Variants in HS6ST2 observed in about 807,000 individuals in gnomAD.
The protein encoded by HS6ST2 is heparan-sulfate 6-O-sulfotransferase 2.
A neutral mutation model predicts 33.0 loss-of-function variants in HS6ST2; 17 were observed. That is an observed-to-expected ratio of 0.52 (90% CI 0.35 to 0.77). The LOEUF is 0.77. Ranked by LOEUF, HS6ST2 falls within the 30% of genes least tolerant of loss-of-function variation. HS6ST2 has a pLI of 0.01. For missense variants in HS6ST2, 519 were observed against 551.7 expected, an observed-to-expected ratio of 0.94 and a Z score of 0.59; for synonymous variants, 248 against 237.1, an observed-to-expected ratio of 1.05 and a Z score of -0.42.
At chrX:132,731,971 G>T (rs367643065) in intron 2 of HS6ST2, among the ~76,000 whole-genome samples, 1 of 111,661 alleles carries the variant, frequency 9.0e-6, no homozygotes, top group African/African-American at 3.3e-5. Flanking sequence ...TTTCAGGGCC[G>T]CCCTGGAAAT....
chrX:132,632,593 C>T (rs2063525893), intron 4 of HS6ST2, among the ~76,000 whole-genome samples: 1 of 109,622 alleles, frequency 9.1e-6, no homozygotes, highest in Non-Finnish European at 1.9e-5. Flanking sequence ...GTGTGCCTGG[C>T]ACTATGGCAG....
At chrX:132,882,349 T>C (rs1393051628) in intron 2 of HS6ST2, among the ~76,000 whole-genome samples, 3 of 110,065 alleles carry the variant, frequency 2.7e-5, no homozygotes, top group Non-Finnish European at 5.7e-5. Flanking sequence ...ACATCCCTTG[T>C]AAGTTGGGTT....
intron 2 of HS6ST2, among the ~76,000 whole-genome samples, chrX:132,888,354 A>G (rs1328358293): frequency 9.0e-6 from 1 of 111,612 alleles, no homozygotes; most frequent in Non-Finnish European, 1.9e-5. Flanking sequence ...GGGAACTCCC[A>G]TTTATAAAAC....
At chrX:132,949,544 G>A (rs969534527) in intron 2 of HS6ST2, among the ~76,000 whole-genome samples, 2 of 109,984 alleles carry the variant, frequency 1.8e-5, no homozygotes, top group Non-Finnish European at 3.8e-5. Context: ...TCAGGGTGAG[G>A]GTTTATTAGG....
At chrX:132,772,310 G>A (rs1342347170) in intron 2 of HS6ST2, among the ~76,000 whole-genome samples, 1 of 110,269 alleles carries the variant, frequency 9.1e-6, no homozygotes, top group Non-Finnish European at 1.9e-5. Flanking sequence ...GTGTTTTCTT[G>A]TGACCACCAC....
intron 3 of HS6ST2, among the ~76,000 whole-genome samples, chrX:132,704,393 A>G (rs1012068132): frequency 9.0e-5 from 10 of 111,253 alleles, no homozygotes; most frequent in African/African-American, 3.3e-4. Flanking sequence ...TGTCTCTACT[A>G]AAAATACAAA....
intron 2 of HS6ST2, among the ~76,000 whole-genome samples, chrX:132,797,559 C>T (rs994271868): frequency 8.9e-6 from 1 of 112,333 alleles, no homozygotes; most frequent in African/African-American, 3.2e-5. Context: ...CTAATTCCTT[C>T]TCTCTAGTGA....
intron 2 of HS6ST2, among the ~76,000 whole-genome samples, chrX:132,930,056 G>A (rs1236557692): frequency 8.9e-6 from 1 of 111,812 alleles, no homozygotes; most frequent in Non-Finnish European, 1.9e-5. Context: ...AGGCATCAAG[G>A]TGGGTGGGCA....
At position 132,681,076 on chromosome X, in the gene HS6ST2, T is replaced by C. The variant is rs1247016878; in HGVS notation, c.981-11877A>G. ...TGTTGCTTTTTCCCTGGTGCACTTA[T>C]CTGATTAGCTGTGGTATTTCGTCAG... is the stretch of plus-strand genomic sequence containing the variant. On this transcript the variant is annotated intron_variant, in intron 3 of 4. Coordinates refer to ENST00000370833, the MANE Select transcript of HS6ST2 (RefSeq NM_001394073.1). 6.3e-5 allele frequency among the ~76,000 whole-genome samples: 7 copies of C among 110,694 alleles called. No homozygotes were observed. In the Admixed American group the frequency reaches 6.7e-4, roughly 11 times the overall value.
At chrX:132,957,851 G>A in intron 1 of HS6ST2, among the ~76,000 whole-genome samples, 1 of 111,992 alleles carries the variant, frequency 8.9e-6, no homozygotes, top group African/African-American at 3.2e-5. Flanking sequence ...TCCTTTTGCC[G>A]GCGCCCGCGC....
intron 2 of HS6ST2, among the ~76,000 whole-genome samples, chrX:132,896,266 C>T (rs1366680580): frequency 9.1e-6 from 1 of 110,413 alleles, no homozygotes; most frequent in Non-Finnish European, 1.9e-5. Context: ...GTCAGGAGAT[C>T]GAGACCATCC....
At chrX:132,847,849 T>G (rs1409973557) in intron 2 of HS6ST2, among the ~76,000 whole-genome samples, 1 of 112,107 alleles carries the variant, frequency 8.9e-6, no homozygotes, top group Non-Finnish European at 1.9e-5. Flanking sequence ...AGGGCTGGCA[T>G]AGAGAAGAAC....
intron 2 of HS6ST2, among the ~76,000 whole-genome samples, chrX:132,844,892 C>T (rs1176636195): frequency 1.8e-5 from 2 of 109,981 alleles, no homozygotes; most frequent in African/African-American, 3.3e-5. Context: ...ATCTACTATG[C>T]TGAGCACCAT....
intron 2 of HS6ST2, among the ~76,000 whole-genome samples, chrX:132,931,998 AAC>A (rs2066773943): frequency 9.2e-6 from 1 of 109,274 alleles, no homozygotes; most frequent in Non-Finnish European, 1.9e-5. Flanking sequence ...CATCCTGGCT[AAC>A]ACAGTGAAAC....
intron 2 of HS6ST2, among the ~76,000 whole-genome samples, chrX:132,811,602 T>C (rs1422562120): frequency 2.0e-5 from 2 of 101,659 alleles, no homozygotes; most frequent in Non-Finnish European, 4.0e-5. Context: ...CTTAGCATAA[T>C]GTCTTCAAAG....
At chrX:132,757,598 C>G (rs1311936368) in intron 2 of HS6ST2, among the ~76,000 whole-genome samples, 1 of 97,367 alleles carries the variant, frequency 1.0e-5, no homozygotes, top group Non-Finnish European at 2.2e-5. Context: ...GGGAGCTGGC[C>G]CTTTGTGTTC....
chrX:132,655,599 T>C (rs1349759556), intron 4 of HS6ST2, among the ~76,000 whole-genome samples: 1 of 110,746 alleles, frequency 9.0e-6, no homozygotes, highest in Non-Finnish European at 1.9e-5. Context: ...CATGGGTAGT[T>C]GAAGGACACA....
chrX:132,722,187 CAAAAA>C (rs1217492848), intron 2 of HS6ST2, among the ~76,000 whole-genome samples: 2 of 44,301 alleles, frequency 4.5e-5, no homozygotes, highest in African/African-American at 8.9e-5. Context: ...GACTCCGTCT[CAAAAA>C]AAAAAAAAAA....
intron 3 of HS6ST2, among the ~76,000 whole-genome samples, chrX:132,692,809 G>A (rs1051117136): frequency 1.8e-5 from 2 of 111,852 alleles, no homozygotes; most frequent in Admixed American, 1.9e-4. Context: ...TGATTCATAG[G>A]CTCTGTCTGT....
Sources: gnomAD v4.1 joint callset for allele counts (sites outside exome capture counted in the v4.1 genomes callset) on GRCh38, gnomAD v4.1.1 for gene constraint, MANE v1.5 for transcripts, NCBI Gene and HGNC (gene_info 2026-07-23, HGNC 2026-07-21) for gene names.